Variants in PACS2 observed in about 807,000 individuals in gnomAD.
PACS2 encodes the protein phosphofurin acidic cluster sorting protein 2.
In PACS2, 36 loss-of-function variants were observed where a neutral mutation model predicts 113.0. The ratio of observed to expected loss-of-function variants is 0.32; its 90% CI spans 0.24 to 0.42. PACS2 has a LOEUF of 0.42. Among genes scored for constraint, PACS2 ranks in the 10% least tolerant of loss-of-function variants. The pLI, the probability that PACS2 is intolerant of heterozygous loss-of-function variation, is 1.00. For synonymous variants in PACS2, 589 were observed against 536.1 expected, an observed-to-expected ratio of 1.10 and a Z score of -1.36; for missense variants, 1,015 against 1,239.5, an observed-to-expected ratio of 0.82 and a Z score of 2.72.
intron 1 of PACS2, among the ~76,000 whole-genome samples, chr14:105,334,511 G>T (rs34709488): frequency 1.6e-3 from 238 of 152,028 alleles, no homozygotes; most frequent in Non-Finnish European, 2.8e-3. Flanking sequence ...CTCCACCTGA[G>T]GCCCAATATG....
chr14:105,369,308 GC>G (rs1555408748), intron 7 of PACS2, among the ~76,000 whole-genome samples: 1 of 152,010 alleles, frequency 6.6e-6, no homozygotes, highest in Non-Finnish European at 1.5e-5. Context: ...GCCCCCTTGG[GC>G]CCAACTGTTG....
At chr14:105,390,053 TGTC>T in intron 20 of PACS2, 50 bp downstream of exon 20, 1 of 1,518,888 alleles carries the variant, frequency 6.6e-7, no homozygotes, top group Non-Finnish European at 9.1e-7. Context: ...CCTGCCAACT[TGTC>T]GTTTACAGTC....
chr14:105,362,235 A>C (rs12590928), intron 4 of PACS2, among the ~76,000 whole-genome samples: 1 of 151,316 alleles, frequency 6.6e-6, no homozygotes, highest in South Asian at 2.1e-4. Context: ...TGGCTAACAC[A>C]GTGAAACACC....
intron 20 of PACS2, chr14:105,390,976 T>G: frequency 1.7e-6 from 1 of 585,192 alleles, no homozygotes; most frequent in Non-Finnish European, 3.0e-6. Flanking sequence ...GAGAGAGCAG[T>G]CCCTCCTGCT....
At chr14:105,322,610 T>C (rs1280991107) in intron 1 of PACS2, among the ~76,000 whole-genome samples, 2 of 152,246 alleles carry the variant, frequency 1.3e-5, no homozygotes, top group Admixed American at 1.3e-4. Flanking sequence ...ATCTTTACTC[T>C]CCTGCTGAAC....
chr14:105,367,640 T>TG (rs1261333483), intron 5 of PACS2, among the ~76,000 whole-genome samples: 3 of 152,222 alleles, frequency 2.0e-5, no homozygotes, highest in Non-Finnish European at 4.4e-5. Flanking sequence ...AAAGGAGGTG[T>TG]GGGGTCGCAC....
chr14:105,393,372 C>G, intron 24 of PACS2, 37 bp downstream of exon 24: 1 of 1,436,246 alleles, frequency 7.0e-7, no homozygotes, highest in Non-Finnish European at 9.7e-7. Context: ...TAGAGTGGGA[C>G]GTAGGTGAGA....
chr14:105,330,958 G>GGAT lies in PACS2; in HGVS notation c.119+15922_119+15923insATG, dbSNP rs1389990962. Among the ~76,000 whole-genome samples, 2 of 151,422 alleles carry GGAT rather than the reference G, an allele frequency of 1.3e-5. No individual in the cohort carries two copies. The highest frequency in any genetic ancestry group is 2.9e-5 in the Non-Finnish European group (2 of 67,940). ...AACGGCTTTGTTGGATGCTGGGGTT[G>GGAT]GCATTTTTTTTTTTTTTGAGACAGA... On this transcript the variant is annotated intron_variant, in intron 1 of 24. Coordinates refer to ENST00000447393, the MANE Select transcript of PACS2 (RefSeq NM_001100913.3). This position sits in a 1 kb window ranked among gnomAD's most constrained non-coding sequence, Gnocchi z 6.9.
chr14:105,372,571 A>G (rs1429758750), intron 8 of PACS2: 2 of 152,244 alleles, frequency 1.3e-5, no homozygotes, highest in African/African-American at 4.8e-5. Context: ...TTTTAACACA[A>G]TAAAAAAAGT....
chr14:105,360,907 C>A (rs781956632), intron 4 of PACS2, among the ~76,000 whole-genome samples: 2 of 152,150 alleles, frequency 1.3e-5, no homozygotes, highest in Non-Finnish European at 2.9e-5. Context: ...GCATCCTCAC[C>A]AGGAGCAGAT....
intron 1 of PACS2, among the ~76,000 whole-genome samples, chr14:105,307,847 C>T (rs1566885311): frequency 6.6e-6 from 1 of 152,234 alleles, no homozygotes; most frequent in African/African-American, 2.4e-5. Flanking sequence ...CTCCGCAACT[C>T]GAGTGAGACT....
chr14:105,314,945 CCCCGGCGCG>C lies in PACS2; in HGVS notation c.38_46del (p.Pro13_Ala15del). 5 of 1,168,516 alleles carry C rather than the reference CCCCGGCGCG, an allele frequency of 4.3e-6. No homozygotes were observed. The highest frequency in any genetic ancestry group is 3.4e-5 in the Admixed American group (1 of 29,638). 72.4% of individuals were successfully genotyped at this position (1,168,516 alleles called of 1,614,324 possible). A position where few individuals can be genotyped will look rare whatever the true frequency, so the allele number is the denominator to read the frequency against. On this transcript the variant is annotated inframe_deletion, in exon 1 of 25. Transcript: ENST00000447393. ...TGGCCGAGCGAGGCCGCCTCGGCCT[CCCCGGCGCG>C]CCCGGCGCGCTCAACACGCCCGTGC... is the stretch of plus-strand genomic sequence containing the variant.
intron 19 of PACS2, among the ~76,000 whole-genome samples, chr14:105,387,504 T>C (rs1220535829): frequency 6.6e-6 from 1 of 152,204 alleles, no homozygotes; most frequent in Non-Finnish European, 1.5e-5. Context: ...CACGGTGGTA[T>C]GCTCCTTACA....
chr14:105,384,095 CAT>C (rs1484119954), intron 16 of PACS2: 32 of 497,390 alleles, frequency 6.4e-5, no homozygotes, highest in Non-Finnish European at 9.8e-5. Context: ...TGCACGGTCA[CAT>C]GTGCCCTGCT....
At chr14:105,386,567 A>G (rs2081182874) in intron 19 of PACS2, among the ~76,000 whole-genome samples, 1 of 152,116 alleles carries the variant, frequency 6.6e-6, no homozygotes, top group Non-Finnish European at 1.5e-5. Flanking sequence ...GTCCTGCTGC[A>G]GGGTGGGGGC....
chr14:105,357,075 T>A lies in PACS2; in HGVS notation c.423+1898T>A, dbSNP rs111986864. Among the ~76,000 whole-genome samples the A allele has an allele frequency of 5.3e-4, 80 of 152,264 alleles. 3 individuals carry two copies. The highest frequency in any genetic ancestry group is 1.9e-3 in the African/African-American group (79 of 41,562). On this transcript the variant is annotated intron_variant, in intron 4 of 24. Coordinates refer to ENST00000447393, the MANE Select transcript of PACS2 (RefSeq NM_001100913.3). This position sits in a 1 kb window ranked among gnomAD's most constrained non-coding sequence, Gnocchi z 5.1. ...CCTGTGAGCTCCTGCCCCAGGCTGCTCCGCCCACATCTCTCAGTCTGCACC... is the reference window on the plus strand; with the variant it reads ...CCTGTGAGCTCCTGCCCCAGGCTGCACCGCCCACATCTCTCAGTCTGCACC...
In PACS2 at chr14:105,330,530, C is replaced by T. The variant is rs1034006913; in HGVS notation, c.119+15493C>T. 3.3e-5 allele frequency among the ~76,000 whole-genome samples: 5 copies of T among 152,186 alleles called. No homozygotes were observed. The highest frequency in any genetic ancestry group is 1.2e-4 in the African/African-American group (5 of 41,456). On this transcript the variant is annotated intron_variant, in intron 1 of 24. Transcript: ENST00000447393. The surrounding 1 kb of genome is among the most constrained non-coding windows in gnomAD (Gnocchi z 6.9). The stretch of plus-strand genomic sequence containing the variant: ...CACCTCCTGGGAGGGAGTGGGGCCG[C>T]AGCCAGCCCTGACCCAGCTGGGTGT...
chr14:105,389,802 G>T (rs1454666353), intron 19 of PACS2, 159 bp from the exon 20 acceptor site: 2 of 693,766 alleles, frequency 2.9e-6, no homozygotes, highest in Admixed American at 4.5e-5. Flanking sequence ...GTTGGAGATG[G>T]GTGGGGCCGG....
At position 105,365,839 on chromosome 14, in the gene PACS2, C is replaced by A. The variant is rs782338804; in HGVS notation, c.424-1374C>A. On this transcript the variant is annotated intron_variant, in intron 4 of 24. Transcript: ENST00000447393. The surrounding 1 kb of genome is among the most constrained non-coding windows in gnomAD (Gnocchi z 5.1). ...AGAAGGCGACTCAGGGTGCTGGGGG[C>A]CTGGACAACAGCAGCCTCCAAGTAC... Among the ~76,000 whole-genome samples, 4 of 152,330 alleles carry A rather than the reference C, an allele frequency of 2.6e-5. No individual in the cohort carries two copies. Among genetic ancestry groups the A allele is most frequent in the Non-Finnish European group, 4.4e-5 (3 of 68,036 alleles).
Sources: gnomAD v4.1 joint callset for allele counts (sites outside exome capture counted in the v4.1 genomes callset) on GRCh38, gnomAD v4.1.1 for gene constraint, Gnocchi (gnomAD v3.1) non-coding constraint, MANE v1.5 for transcripts, NCBI Gene and HGNC (gene_info 2026-07-23, HGNC 2026-07-21) for gene names.